Variants in MACF1 observed in about 807,000 individuals in gnomAD.
The protein encoded by MACF1 is microtubule actin crosslinking factor 1, also known as microtubule-actin cross-linking factor 1.
MACF1 carries 193 observed loss-of-function variants against 854.8 expected under a neutral mutation model. The observed-to-expected ratio is 0.23, with a 90% CI of 0.20 to 0.25. The LOEUF is 0.25. MACF1 is among the 10% of genes least tolerant of loss of function. The pLI, the probability that MACF1 is intolerant of heterozygous loss-of-function variation, is 1.00. For synonymous variants in MACF1, 3,185 were observed against 3,226.7 expected, an observed-to-expected ratio of 0.99 and a Z score of 0.44; for missense variants, 7,722 against 8,929.1, an observed-to-expected ratio of 0.86 and a Z score of 5.45.
At chr1:39,216,369 CT>C (rs1187656832) in intron 1 of MACF1, among the ~76,000 whole-genome samples, 2 of 152,096 alleles carry the variant, frequency 1.3e-5, no homozygotes, top group Non-Finnish European at 2.9e-5. Flanking sequence ...ATGTATTTGT[CT>C]ATGAAATCTT....
In MACF1 at chr1:39,422,314, C is replaced by T. The variant is rs113635558; in HGVS notation, c.15817-60C>T. ...ATGCCCCAAGAATAACCAGTCTCTG[C>T]GTGGTATAGAGAGTCTAATAGCCTT... is the stretch of plus-strand genomic sequence containing the variant. On this transcript the variant is annotated intron_variant, in intron 58 of 100. Coordinates refer to ENST00000564288, the MANE Select transcript of MACF1 (RefSeq NM_001394062.1). 1.1e-3 allele frequency: 1,443 copies of T among 1,334,232 alleles called. 17 individuals carry two copies. The African/African-American group carries it at 0.018, about 17-fold the overall frequency. 82.6% of individuals were successfully genotyped at this position (1,334,232 alleles called of 1,614,324 possible).
chr1:39,099,348 G>A (rs562782655), intron 2 of MACF1, among the ~76,000 whole-genome samples: 18 of 152,260 alleles, frequency 1.2e-4, no homozygotes, highest in Non-Finnish European at 1.9e-4. Context: ...GTAGAGACGC[G>A]GTTTCACCAT....
At chr1:39,427,834 A>C (rs1184296628) in intron 62 of MACF1, 127 bp from the exon 63 acceptor site, 3 of 936,066 alleles carry the variant, frequency 3.2e-6, no homozygotes, top group Non-Finnish European at 3.1e-6. Context: ...TTTTTATATT[A>C]TTTTTGCCTT....
At chr1:39,318,759 C>T (rs1057270647) in intron 30 of MACF1, 144 bp downstream of exon 30, 14 of 904,784 alleles carry the variant, frequency 1.5e-5, no homozygotes, top group African/African-American at 1.5e-4. Flanking sequence ...TGAGCAGGAT[C>T]GTCCCAAGAT....
rs149366946 is a variant in MACF1, at chr1:39,372,559, C to G, written c.13176C>G (p.Ile4392Met). The change falls in exon 52 of 101, where the codon ATC (isoleucine) becomes ATG (methionine). Residue 4392 changes from isoleucine to methionine, a missense_variant. By Grantham distance (10) the Ile-to-Met change is conservative. Coordinates refer to ENST00000564288, the MANE Select transcript of MACF1 (RefSeq NM_001394062.1). ...AAGGTACTTCTTTAGAAAATCTCAT[C>G]ATGGAAATCACAGCACCTGATTCCC... ...NCKGTSLENL[I>M]MEITAPDSQG... is the part of the protein sequence containing the mutation. 1.4e-5 allele frequency: 22 copies of G among 1,613,608 alleles called. No individual in the cohort carries two copies. In the East Asian group the frequency reaches 4.9e-4, roughly 36 times the overall value.
chr1:39,236,708 C>T (rs1644863239), intron 2 of MACF1, among the ~76,000 whole-genome samples: 1 of 152,100 alleles, frequency 6.6e-6, no homozygotes, highest in Non-Finnish European at 1.5e-5. Flanking sequence ...TGTTGCCCGG[C>T]TGGAGTGCAG....
chr1:39,405,201 C>T (rs984940397), intron 58 of MACF1, among the ~76,000 whole-genome samples: 1 of 152,098 alleles, frequency 6.6e-6, no homozygotes, highest in African/African-American at 2.4e-5. Flanking sequence ...CTTTATGAGC[C>T]ACTCCGTAGC....
intron 2 of MACF1, among the ~76,000 whole-genome samples, chr1:39,167,146 G>C (rs1643890384): frequency 6.6e-6 from 1 of 151,744 alleles, no homozygotes. Flanking sequence ...ATTTTTAGTA[G>C]AGACAGGGTC....
chr1:39,156,037 G>T (rs796578193), intron 2 of MACF1, among the ~76,000 whole-genome samples: 1 of 152,090 alleles, frequency 6.6e-6, no homozygotes, highest in Non-Finnish European at 1.5e-5. Context: ...ACAGGCGCCC[G>T]CCACCGCACC....
At chr1:39,164,326 A>G (rs1231364406) in intron 2 of MACF1, among the ~76,000 whole-genome samples, 1 of 152,204 alleles carries the variant, frequency 6.6e-6, no homozygotes, top group African/African-American at 2.4e-5. Context: ...TTTAAAGGCT[A>G]CTGAGGGTAA....
chr1:39,224,416 A>C, intron 1 of MACF1, among the ~76,000 whole-genome samples: 1 of 151,938 alleles, frequency 6.6e-6, no homozygotes, highest in East Asian at 2.0e-4. Flanking sequence ...GGAATCTCAG[A>C]TTCAAGAGAG....
chr1:39,440,329 C>T (rs1644085606), intron 72 of MACF1, among the ~76,000 whole-genome samples: 1 of 151,768 alleles, frequency 6.6e-6, no homozygotes, highest in Admixed American at 6.6e-5. Flanking sequence ...TTGTCCAGAA[C>T]TCCTGGGCTC....
At position 39,458,457 on chromosome 1, in the gene MACF1, G is replaced by A. The variant is rs1230394966; in HGVS notation, c.21163G>A (p.Ala7055Thr). ...AAGGAAAAACATAGAGCCTACTCAC[G>A]CGCCTTTCATAGAGAAATCCCGCAG... ...YKRKNIEPTH[A>T]PFIEKSRSGG... Residue 7055 changes from alanine (A) to threonine (T), a missense_variant, in exon 90 of 101, where the codon GCG (alanine) becomes ACG (threonine). Ala to Thr is a moderately conservative substitution (Grantham distance 58). Around this residue, in one of 15 missense-constraint regions of MACF1, gnomAD observed 729 missense variants for 900.5 expected, o/e 0.81. Transcript: ENST00000564288. 1.4e-5 allele frequency: 22 copies of A among 1,613,924 alleles called. No individual in the cohort carries two copies. Among genetic ancestry groups the A allele is most frequent in the South Asian group, 3.3e-5 (3 of 91,064 alleles).
chr1:39,341,120 G>A (rs1315028903), intron 40 of MACF1, among the ~76,000 whole-genome samples, 167 bp downstream of exon 40: 4 of 148,710 alleles, frequency 2.7e-5, no homozygotes, highest in African/African-American at 1.0e-4. Flanking sequence ...TGCAACCTCC[G>A]CCTCCTGGGT....
chr1:39,395,140 G>A (rs1385099610), intron 58 of MACF1, among the ~76,000 whole-genome samples: 1 of 152,152 alleles, frequency 6.6e-6, no homozygotes, highest in African/African-American at 2.4e-5. Context: ...ATTTTGGACT[G>A]GATAATTCTT....
At chr1:39,190,982 G>A (rs912442295) in intron 2 of MACF1, among the ~76,000 whole-genome samples, 1 of 152,054 alleles carries the variant, frequency 6.6e-6, no homozygotes, top group Non-Finnish European at 1.5e-5. Flanking sequence ...GACAGAGTGA[G>A]ACTGTGTCTC....
At chr1:39,124,409 G>C (rs1196689573) in intron 2 of MACF1, among the ~76,000 whole-genome samples, 2 of 152,092 alleles carry the variant, frequency 1.3e-5, no homozygotes, top group African/African-American at 4.8e-5. Flanking sequence ...GGGTTGTGGG[G>C]GAGAGTAAAT....
At chr1:39,269,001 C>T (rs547149432) in intron 6 of MACF1, 20 of 1,287,228 alleles carry the variant, frequency 1.6e-5, no homozygotes, top group African/African-American at 9.1e-5. Context: ...GGTAGTCGAT[C>T]GGGGGATGAT....
chr1:39,303,721 G>A (rs182093915), intron 23 of MACF1, among the ~76,000 whole-genome samples: 247 of 151,504 alleles, frequency 1.6e-3, no homozygotes, highest in Middle Eastern at 3.4e-3. Context: ...AAAATTTGCC[G>A]GGCGTGATGG....
Sources: allele counts gnomAD v4.1 joint callset (sites outside exome capture counted in the v4.1 genomes callset), GRCh38; gene constraint gnomAD v4.1.1; regional missense constraint gnomAD v4.1.1; transcripts MANE v1.5; gene names NCBI Gene and HGNC (gene_info 2026-07-23, HGNC 2026-07-21).